ELMOD3: variants seen among roughly 807,000 people sequenced by gnomAD.
ELMOD3 encodes the protein ELMO domain containing 3, also known as ELMO domain-containing protein 3.
ELMOD3 carries 36 observed loss-of-function variants against 47.4 expected under a neutral mutation model. The ratio of observed to expected loss-of-function variants is 0.76; its 90% CI spans 0.58 to 1.00. The LOEUF (loss-of-function observed/expected upper bound fraction) is 1.00. Ranked by LOEUF, ELMOD3 falls within the 50% of genes least tolerant of loss-of-function variation. ELMOD3 has a pLI of 0.00. For missense variants in ELMOD3, 404 were observed against 463.8 expected (o/e 0.87, Z 1.18); for synonymous variants, 149 against 183.5 (o/e 0.81, Z 1.52).
chr2:85,384,673 C>G (rs1046792810), intron 11 of ELMOD3, among the ~76,000 whole-genome samples: 12 of 152,164 alleles, frequency 7.9e-5, no homozygotes, highest in African/African-American at 2.4e-4. Context: ...GCAACCTCTA[C>G]CTCCCAGGCT....
chr2:85,388,057 T>G (rs1686061018), intron 11 of ELMOD3, among the ~76,000 whole-genome samples: 1 of 152,082 alleles, frequency 6.6e-6, no homozygotes, highest in Admixed American at 6.6e-5. Flanking sequence ...GCTGGTCATG[T>G]AGGCACCCTC....
intron 10 of ELMOD3, among the ~76,000 whole-genome samples, chr2:85,373,787 C>T (rs996687134): frequency 6.7e-6 from 1 of 148,682 alleles, no homozygotes. Context: ...TGCAGTGAGC[C>T]GAGATCTCAC....
chr2:85,361,230 G>T (rs763244794), intron 4 of ELMOD3, among the ~76,000 whole-genome samples: 1 of 152,224 alleles, frequency 6.6e-6, no homozygotes, highest in Non-Finnish European at 1.5e-5. Context: ...ATCTGTAGCA[G>T]GGGATAGGTT....
chr2:85,368,795 C>G (rs1051609333), intron 7 of ELMOD3, 41 bp downstream of exon 7: 1 of 1,604,776 alleles, frequency 6.2e-7, no homozygotes. Flanking sequence ...AGCCCCTCTG[C>G]CAGCAAAGGC....
chr2:85,391,162 C>T lies in ELMOD3; in HGVS notation c.*200C>T. 1.7e-6 allele frequency: 1 copy of T among 586,072 alleles called. No individual in the cohort carries two copies. The highest frequency in any genetic ancestry group is 2.9e-5 in the East Asian group (1 of 34,442). 36.3% of individuals were successfully genotyped at this position (586,072 alleles called of 1,614,324 possible). ...GGGGCAGCTAGACTTCACCCCCTTC[C>T]CGCAGACCTGCCTCCAGAGCAAGGA... On this transcript the variant is annotated 3_prime_UTR_variant, in exon 14 of 14. Coordinates refer to ENST00000409013, the MANE Select transcript of ELMOD3 (RefSeq NM_001135022.2).
chr2:85,355,512 TC>T (rs1390276465), intron 2 of ELMOD3, 42 bp from the exon 3 acceptor site: 3 of 152,166 alleles, frequency 2.0e-5, no homozygotes, highest in Non-Finnish European at 4.4e-5. Context: ...TTTGAGTACT[TC>T]CTTGTTTAAT....
At chr2:85,361,467 GC>G (rs1423879381) in intron 4 of ELMOD3, among the ~76,000 whole-genome samples, 2 of 152,164 alleles carry the variant, frequency 1.3e-5, no homozygotes, top group Non-Finnish European at 2.9e-5. Flanking sequence ...GGGAAAAGTT[GC>G]AACATTTACC....
rs183759077 is a variant in ELMOD3, at chr2:85,390,273, C to T, written c.943+8C>T. On this transcript the variant is annotated splice_region_variant and intron_variant, in intron 13 of 13. Coordinates refer to ENST00000409013, the MANE Select transcript of ELMOD3 (RefSeq NM_001135022.2). Reference sequence around the variant, plus strand: ...CGGGCTTTGTCCTCAAAGGTGTGCTCTTTCTTCTGGGGAGGCCTAGGCTGA... The same window carrying T: ...CGGGCTTTGTCCTCAAAGGTGTGCTTTTTCTTCTGGGGAGGCCTAGGCTGA... 6.2e-7 allele frequency: 1 copy of T among 1,614,172 alleles called. No individual in the cohort carries two copies. Among genetic ancestry groups the T allele is most frequent in the East Asian group, 2.2e-5 (1 of 44,870 alleles).
chr2:85,369,645 C>A, intron 7 of ELMOD3, 94 bp from the exon 8 acceptor site: 1 of 1,310,574 alleles, frequency 7.6e-7, no homozygotes, highest in Non-Finnish European at 1.1e-6. Flanking sequence ...GAAGCCAGTG[C>A]TTGGCTTGGA....
At chr2:85,389,705 C>T (rs367559159) in intron 11 of ELMOD3, 46 bp from the exon 12 acceptor site, 7 of 1,552,592 alleles carry the variant, frequency 4.5e-6, no homozygotes, top group Non-Finnish European at 6.2e-6. Context: ...ACAGGAAACA[C>T]AGTGAGAGCT....
intron 9 of ELMOD3, 99 bp from the exon 10 acceptor site, chr2:85,371,341 A>G: frequency 6.3e-7 from 1 of 1,595,092 alleles, no homozygotes; most frequent in African/African-American, 1.3e-5. Context: ...GGAGCTGAGA[A>G]CTGGATGTCT....
At chr2:85,359,245 G>A (rs773998056) in intron 4 of ELMOD3, among the ~76,000 whole-genome samples, 9 of 152,052 alleles carry the variant, frequency 5.9e-5, no homozygotes, top group Non-Finnish European at 1.0e-4. Context: ...ATCAGGCCCC[G>A]CATGTACAAA....
intron 11 of ELMOD3, among the ~76,000 whole-genome samples, chr2:85,386,381 CTTTTTTTT>C (rs570387148): frequency 1.3e-4 from 8 of 62,468 alleles, no homozygotes; most frequent in African/African-American, 4.6e-4. Flanking sequence ...GATACGTAGG[CTTTTTTTT>C]TTTTTTTTTT....
intron 10 of ELMOD3, chr2:85,372,259 T>C (rs1437791563): frequency 6.6e-6 from 1 of 152,126 alleles, no homozygotes; most frequent in Non-Finnish European, 1.5e-5. Context: ...GAAAATCACT[T>C]GAACCCGGAG....
chr2:85,370,214 A>ATTC (rs1684693676), intron 8 of ELMOD3, among the ~76,000 whole-genome samples: 1 of 152,124 alleles, frequency 6.6e-6, no homozygotes, highest in Non-Finnish European at 1.5e-5. Context: ...CTATTTAGGA[A>ATTC]TTTAAGAAAG....
intron 4 of ELMOD3, among the ~76,000 whole-genome samples, chr2:85,360,388 C>G (rs922979964): frequency 6.8e-6 from 1 of 147,048 alleles, no homozygotes; most frequent in Non-Finnish European, 1.5e-5. Context: ...GAGTCTCACT[C>G]TGTTGCCCAG....
chr2:85,389,550 G>A (rs1473539771), intron 11 of ELMOD3: 30 of 601,158 alleles, frequency 5.0e-5, no homozygotes, highest in Non-Finnish European at 8.3e-5. Flanking sequence ...CATGCCTTAG[G>A]AAAGTTACTA....
chr2:85,365,768 C>T (rs1009618485), intron 6 of ELMOD3, among the ~76,000 whole-genome samples: 1 of 152,168 alleles, frequency 6.6e-6, no homozygotes. Flanking sequence ...CTGCTCCTGG[C>T]TCACAGACTT....
chr2:85,367,071 C>G (rs755476612), intron 6 of ELMOD3, among the ~76,000 whole-genome samples: 4 of 152,138 alleles, frequency 2.6e-5, no homozygotes, highest in Non-Finnish European at 5.9e-5. Context: ...TTCTTTTTTT[C>G]TCCCCCTTAT....
Sources: gnomAD v4.1 joint callset for allele counts (sites outside exome capture counted in the v4.1 genomes callset) on GRCh38, gnomAD v4.1.1 for gene constraint, MANE v1.5 for transcripts, NCBI Gene and HGNC (gene_info 2026-07-23, HGNC 2026-07-21) for gene names.